SBSPON: variants seen among roughly 807,000 people sequenced by gnomAD.
SBSPON encodes somatomedin B and thrombospondin type 1 domain containing, also known as somatomedin-B and thrombospondin type-1 domain-containing protein.
SBSPON carries 30 observed loss-of-function variants against 35.8 expected under a neutral mutation model. The ratio of observed to expected loss-of-function variants is 0.84; its 90% CI spans 0.63 to 1.14. SBSPON has a LOEUF of 1.14. Among genes scored for constraint, SBSPON ranks in the 50% most tolerant of loss-of-function variants. The pLI is 0.00. For missense variants in SBSPON, 364 were observed against 357.7 expected, an observed-to-expected ratio of 1.02 and a Z score of -0.14; for synonymous variants, 136 against 135.9, an observed-to-expected ratio of 1.00 and a Z score of 0.00.
At chr8:73,078,071 G>T (rs1044018336) in intron 2 of SBSPON, among the ~76,000 whole-genome samples, 2 of 152,174 alleles carry the variant, frequency 1.3e-5, no homozygotes, top group Non-Finnish European at 2.9e-5. Flanking sequence ...CCTCTGTCAC[G>T]CTTGGGCTAC....
intron 2 of SBSPON, among the ~76,000 whole-genome samples, chr8:73,074,259 G>A (rs774392225): frequency 2.0e-5 from 3 of 152,124 alleles, no homozygotes; most frequent in Non-Finnish European, 4.4e-5. Flanking sequence ...GGTACTTAAT[G>A]TATAGCTCAG....
chr8:73,075,038 T>C (rs1269230617), intron 2 of SBSPON, among the ~76,000 whole-genome samples: 1 of 152,200 alleles, frequency 6.6e-6, no homozygotes, highest in Non-Finnish European at 1.5e-5. Context: ...GTTTGCATTT[T>C]TGTTTTCCAT....
At chr8:73,092,713 T>C (rs1810958870) in intron 1 of SBSPON, 141 bp downstream of exon 1, 1 of 627,840 alleles carries the variant, frequency 1.6e-6, no homozygotes, top group African/African-American at 1.9e-5. Context: ...CGTACCTGGA[T>C]GGCGGTGGTG....
chr8:73,070,985 A>G (rs1442666142), intron 3 of SBSPON, among the ~76,000 whole-genome samples: 3 of 152,208 alleles, frequency 2.0e-5, no homozygotes, highest in African/African-American at 7.2e-5. Flanking sequence ...GCTTCAATCA[A>G]TTTCAGAGAG....
chr8:73,065,735 G>A lies in SBSPON; in HGVS notation c.*1606C>T, dbSNP rs975764487. On this transcript the variant is annotated 3_prime_UTR_variant, in exon 5 of 5. Transcript: ENST00000297354. The stretch of plus-strand genomic sequence containing the variant: ...CGGAGCTTGCAGTGAGCCGAGATGG[G>A]GCCACTGCACTCCAGCCTGGGCAAC... The A allele has an allele frequency of 6.6e-6, 1 of 152,068 alleles. No individual in the cohort carries two copies. Among genetic ancestry groups the A allele is most frequent in the Non-Finnish European group, 1.5e-5 (1 of 67,956 alleles). 9.4% of individuals were successfully genotyped at this position (152,068 alleles called of 1,614,324 possible).
At chr8:73,085,306 T>C (rs945079821) in intron 1 of SBSPON, 2 of 152,216 alleles carry the variant, frequency 1.3e-5, no homozygotes, top group Non-Finnish European at 2.9e-5. Context: ...GATCTATTTA[T>C]ATCTCCTGCC....
chr8:73,090,526 G>A (rs547088762), intron 1 of SBSPON, among the ~76,000 whole-genome samples: 18 of 152,318 alleles, frequency 1.2e-4, no homozygotes, highest in African/African-American at 3.8e-4. Flanking sequence ...TGGGCCTCTC[G>A]GCTCCGGGCC....
intron 4 of SBSPON, among the ~76,000 whole-genome samples, chr8:73,067,988 T>C (rs957738212): frequency 6.6e-6 from 1 of 152,088 alleles, no homozygotes; most frequent in Non-Finnish European, 1.5e-5. Flanking sequence ...CCGTTCTATC[T>C]GAGCACAAGT....
At position 73,066,287 on chromosome 8, in the gene SBSPON, T is replaced by C. The variant is rs1359119183; in HGVS notation, c.*1054A>G. On this transcript the variant is annotated 3_prime_UTR_variant, in exon 5 of 5. Coordinates refer to ENST00000297354, the MANE Select transcript of SBSPON (RefSeq NM_153225.4). Reference sequence around the variant, plus strand: ...GAGTTCTGGTTGAGGAGTCCAAATTTGGCTCTGTGGCTGACTGCAGAATGA... The same window carrying C: ...GAGTTCTGGTTGAGGAGTCCAAATTCGGCTCTGTGGCTGACTGCAGAATGA... The C allele has an allele frequency of 6.6e-6, 1 of 152,188 alleles. No homozygotes were observed. Among genetic ancestry groups the C allele is most frequent in the African/African-American group, 2.4e-5 (1 of 41,436 alleles). 9.4% of individuals were successfully genotyped at this position (152,188 alleles called of 1,614,324 possible).
chr8:73,084,896 G>T (rs926282716), intron 1 of SBSPON, among the ~76,000 whole-genome samples: 28 of 152,072 alleles, frequency 1.8e-4, no homozygotes, highest in Admixed American at 6.6e-4. Flanking sequence ...ATGCCCCTGA[G>T]GATCATGATA....
At chr8:73,074,194 A>G (rs558224247) in intron 2 of SBSPON, among the ~76,000 whole-genome samples, 2 of 152,320 alleles carry the variant, frequency 1.3e-5, no homozygotes, top group African/African-American at 4.8e-5. Flanking sequence ...TTTAGCTCAG[A>G]TATTTATGTA....
intron 2 of SBSPON, among the ~76,000 whole-genome samples, chr8:73,076,379 A>C (rs770520377): frequency 3.9e-5 from 6 of 152,210 alleles, no homozygotes; most frequent in Non-Finnish European, 8.8e-5. Context: ...CTGACCTTAA[A>C]ATAGGAAGCA....
At chr8:73,076,200 G>T (rs183741232) in intron 2 of SBSPON, among the ~76,000 whole-genome samples, 2 of 152,274 alleles carry the variant, frequency 1.3e-5, no homozygotes, top group Non-Finnish European at 2.9e-5. Flanking sequence ...CAGAACTCCA[G>T]TGTCCTCAGG....
rs61328328 is a variant in SBSPON, at chr8:73,064,641, A to C, written c.*2700T>G. On this transcript the variant is annotated 3_prime_UTR_variant, in exon 5 of 5. Transcript: ENST00000297354. ...ATGCCAGATGATAACCAAACACTTT[A>C]AATTATTGCTGTTGCGGTTTATGCT... 6.6e-6 allele frequency: 1 copy of C among 152,224 alleles called. No homozygotes were observed. Among genetic ancestry groups the C allele is most frequent in the African/African-American group, 2.4e-5 (1 of 41,448 alleles). 9.4% of individuals were successfully genotyped at this position (152,224 alleles called of 1,614,324 possible). A position where few individuals can be genotyped will look rare whatever the true frequency, so the allele number is the denominator to read the frequency against.
chr8:73,086,318 GCC>G (rs1486141211), intron 1 of SBSPON, among the ~76,000 whole-genome samples: 3 of 151,958 alleles, frequency 2.0e-5, no homozygotes, highest in African/African-American at 7.3e-5. Context: ...GCACCTCCCT[GCC>G]TGGCTAATTT....
chr8:73,068,680 T>G (rs1370512258), intron 4 of SBSPON, among the ~76,000 whole-genome samples: 1 of 152,112 alleles, frequency 6.6e-6, no homozygotes, highest in Non-Finnish European at 1.5e-5. Flanking sequence ...ACCGCAGAGG[T>G]GACCCCACCA....
rs1361889103 is a variant in SBSPON, at chr8:73,092,785, A to T, written c.214+69T>A. ...GCTCAGGGACTGAGGTCCTTGGCAC[A>T]GCGCCCTGCCCTGTGCCCGTTGGTT... On this transcript the variant is annotated intron_variant, in intron 1 of 4. Coordinates refer to ENST00000297354, the MANE Select transcript of SBSPON (RefSeq NM_153225.4). 13 of 1,283,716 alleles carry T rather than the reference A, an allele frequency of 1.0e-5. No individual in the cohort carries two copies. The East Asian group carries it at 3.0e-4, about 30-fold the overall frequency. The allele number at this position is 1,283,716 out of a possible 1,614,324, so 79.5% of individuals were successfully genotyped here.
rs1360798019 is a variant in SBSPON at position 73,065,621 on chromosome 8, A to G, written c.*1720T>C. On this transcript the variant is annotated 3_prime_UTR_variant, in exon 5 of 5. Coordinates refer to ENST00000297354, the MANE Select transcript of SBSPON (RefSeq NM_153225.4). ...AAACCCTGTCTCTACTAAAAAAAAAAAACAAAAAATTAGCCAGGCGTGATG... is the reference window on the plus strand; with the variant it reads ...AAACCCTGTCTCTACTAAAAAAAAAGAACAAAAAATTAGCCAGGCGTGATG... 1 of 152,002 alleles carries G rather than the reference A, an allele frequency of 6.6e-6. No individual in the cohort carries two copies. The highest frequency in any genetic ancestry group is 1.5e-5 in the Non-Finnish European group (1 of 68,026). 9.4% of individuals were successfully genotyped at this position (152,002 alleles called of 1,614,324 possible).
intron 2 of SBSPON, among the ~76,000 whole-genome samples, chr8:73,080,028 A>G (rs932494690): frequency 1.3e-5 from 2 of 151,992 alleles, no homozygotes; most frequent in Non-Finnish European, 2.9e-5. Flanking sequence ...GTTTTGCCCT[A>G]TTGGATTCAA....
Sources: allele counts gnomAD v4.1 joint callset (sites outside exome capture counted in the v4.1 genomes callset), GRCh38; gene constraint gnomAD v4.1.1; transcripts MANE v1.5; gene names NCBI Gene and HGNC (gene_info 2026-07-23, HGNC 2026-07-21).